MTPN: variants seen among roughly 807,000 people sequenced by gnomAD.
MTPN encodes the protein myotrophin, also known as granule cell differentiation protein.
A neutral mutation model predicts 13.5 loss-of-function variants in MTPN; 2 were observed. The ratio of observed to expected loss-of-function variants is 0.15; its 90% CI spans 0.06 to 0.47. MTPN has a LOEUF of 0.47. Ranked by LOEUF, MTPN falls within the 20% of genes least tolerant of loss-of-function variation. The probability of loss-of-function intolerance (pLI) is 0.97; values close to 1 mark genes in which losing one functional copy is unlikely to be tolerated. For missense variants in MTPN, 79 were observed against 137.9 expected, an observed-to-expected ratio of 0.57 and a Z score of 2.14; for synonymous variants, 46 against 51.7, an observed-to-expected ratio of 0.89 and a Z score of 0.48.
intron 1 of MTPN, among the ~76,000 whole-genome samples, chr7:135,970,760 A>T (rs550547371): frequency 4.6e-5 from 7 of 152,120 alleles, no homozygotes; most frequent in Non-Finnish European, 1.0e-4. Flanking sequence ...TCTATTTTAT[A>T]TATTTTTTAA....
intron 3 of MTPN, among the ~76,000 whole-genome samples, chr7:135,938,707 G>A (rs892610476): frequency 6.6e-6 from 1 of 152,098 alleles, no homozygotes; most frequent in Non-Finnish European, 1.5e-5. Flanking sequence ...AGAAAGGAGA[G>A]AAGGCCTACT....
rs539626020 is a variant in MTPN, at chr7:135,929,653, C to T, written c.*273G>A. ...GTTACTGGTGTATTTTGTCTTTGCT[C>T]TCCCTTGGGTATAAGGTGTATATTT... On this transcript the variant is annotated 3_prime_UTR_variant, in exon 4 of 4. Coordinates refer to ENST00000393085, the MANE Select transcript of MTPN (RefSeq NM_145808.4). 1.1e-4 allele frequency: 41 copies of T among 379,758 alleles called. No homozygotes were observed. Among genetic ancestry groups the T allele is most frequent in the Admixed American group, 2.0e-4 (5 of 25,432 alleles). 23.5% of individuals were successfully genotyped at this position (379,758 alleles called of 1,614,324 possible). A position where few individuals can be genotyped will look rare whatever the true frequency, so the allele number is the denominator to read the frequency against.
At chr7:135,944,070 A>G (rs572768288) in intron 3 of MTPN, among the ~76,000 whole-genome samples, 4 of 152,294 alleles carry the variant, frequency 2.6e-5, no homozygotes, top group Non-Finnish European at 5.9e-5. Context: ...TTTTAATAGC[A>G]GTATATACCA....
intron 3 of MTPN, among the ~76,000 whole-genome samples, chr7:135,933,266 AT>A (rs1248102194): frequency 1.3e-5 from 2 of 152,072 alleles, no homozygotes; most frequent in African/African-American, 4.8e-5. Flanking sequence ...ATAACTTTAG[AT>A]TTTATCTTTC....
At chr7:135,931,312 C>T (rs1424666572) in intron 3 of MTPN, among the ~76,000 whole-genome samples, 2 of 151,986 alleles carry the variant, frequency 1.3e-5, no homozygotes, top group Non-Finnish European at 2.9e-5. Flanking sequence ...GATGAGTGGC[C>T]CATAATCAGA....
chr7:135,977,044 T>A lies in MTPN; in HGVS notation c.57A>T (p.Lys19Asn). The A allele has an allele frequency of 6.2e-7, 1 of 1,613,644 alleles. No homozygotes were observed. The highest frequency in any genetic ancestry group is 8.5e-7 in the Non-Finnish European group (1 of 1,179,796). ...CCCCGCTTACCTTGGCCACATAGTC[T>A]TTCACCTCATCCAAGTCTCCGTTTT... ...ALKNGDLDEV[K>N]DYVAKGEDVN... The change falls in exon 1 of 4, where the codon AAA becomes AAT. Residue 19 changes from lysine (K) to asparagine (N), a missense_variant. Transcript: ENST00000393085.
At chr7:135,950,197 C>T (rs1044075098) in intron 3 of MTPN, among the ~76,000 whole-genome samples, 1 of 152,120 alleles carries the variant, frequency 6.6e-6, no homozygotes, top group Non-Finnish European at 1.5e-5. Flanking sequence ...CCATTTTGCT[C>T]GGTATGTATT....
At chr7:135,936,950 A>G (rs1489231930) in intron 3 of MTPN, among the ~76,000 whole-genome samples, 8 of 152,244 alleles carry the variant, frequency 5.3e-5, no homozygotes, top group Admixed American at 3.9e-4. Context: ...ATGTTTAAAA[A>G]AACTTCAAGT....
At chr7:135,971,365 A>G (rs1050171393) in intron 1 of MTPN, among the ~76,000 whole-genome samples, 6 of 152,244 alleles carry the variant, frequency 3.9e-5, no homozygotes, top group African/African-American at 1.4e-4. Flanking sequence ...TTGGATCCTC[A>G]AAATCCACCA....
chr7:135,971,977 T>C (rs1014375110), intron 1 of MTPN, among the ~76,000 whole-genome samples: 3 of 152,196 alleles, frequency 2.0e-5, no homozygotes, highest in African/African-American at 7.2e-5. Context: ...GTAATGACAG[T>C]CTCTGATGAG....
chr7:135,932,240 G>C (rs1232147299), intron 3 of MTPN: 2 of 152,044 alleles, frequency 1.3e-5, no homozygotes, highest in East Asian at 3.9e-4. Context: ...GATCAAAAGA[G>C]AATATAAGAA....
chr7:135,941,901 A>G (rs1276021625), intron 3 of MTPN, among the ~76,000 whole-genome samples: 53 of 122,020 alleles, frequency 4.3e-4, no homozygotes, highest in African/African-American at 1.6e-3. Flanking sequence ...TTTTTTTTTG[A>G]GACGGGAGTT....
rs1053409705 is a variant in MTPN, at chr7:135,927,680, T to C, written c.*2246A>G. On this transcript the variant is annotated 3_prime_UTR_variant, in exon 4 of 4. Transcript: ENST00000393085. Reference sequence around the variant, plus strand: ...AAAAAGAAACTGTGAACCATCTTGGTCAGTCTATTCTATTCTATGTTTATA... The same window carrying C: ...AAAAAGAAACTGTGAACCATCTTGGCCAGTCTATTCTATTCTATGTTTATA... The C allele has an allele frequency of 7.0e-6, 4 of 574,782 alleles. No homozygotes were observed. The highest frequency in any genetic ancestry group is 4.7e-5 in the South Asian group (3 of 64,244). 35.6% of individuals were successfully genotyped at this position (574,782 alleles called of 1,614,324 possible). A position where few individuals can be genotyped will look rare whatever the true frequency, so the allele number is the denominator to read the frequency against.
chr7:135,950,904 C>G (rs1265554728), intron 2 of MTPN, among the ~76,000 whole-genome samples: 1 of 152,094 alleles, frequency 6.6e-6, no homozygotes, highest in African/African-American at 2.4e-5. Context: ...GCATAGGGAG[C>G]AGGGCTTTGA....
intron 3 of MTPN, among the ~76,000 whole-genome samples, chr7:135,936,483 TCAAA>T (rs757873126): frequency 8.5e-5 from 13 of 152,142 alleles, no homozygotes; most frequent in Non-Finnish European, 1.3e-4. Flanking sequence ...AGACTCCGTC[TCAAA>T]CAAACAAAAA....
intron 1 of MTPN, among the ~76,000 whole-genome samples, chr7:135,975,953 A>G (rs1038018252): frequency 1.3e-5 from 2 of 152,252 alleles, no homozygotes; most frequent in Non-Finnish European, 2.9e-5. Flanking sequence ...CAGCCTCTGA[A>G]GCAAAAACCC....
intron 3 of MTPN, among the ~76,000 whole-genome samples, chr7:135,947,917 T>C (rs753917628): frequency 3.3e-5 from 5 of 152,202 alleles, no homozygotes; most frequent in African/African-American, 4.8e-5. Context: ...CCCCTATTAG[T>C]TGTGATCATA....
chr7:135,939,576 C>CGGGGGGGGGGGGGGGGGG (rs71174561), intron 3 of MTPN, among the ~76,000 whole-genome samples: 2 of 4,740 alleles, frequency 4.2e-4, no homozygotes, highest in Non-Finnish European at 1.2e-3. Context: ...AAAATGGGGG[C>CGGGGGGGGGGGGGGGGGG]GGGGGGGGGG....
chr7:135,974,045 A>G (rs1027060454), intron 1 of MTPN, among the ~76,000 whole-genome samples: 3 of 152,192 alleles, frequency 2.0e-5, no homozygotes, highest in African/African-American at 7.2e-5. Flanking sequence ...TAAATAATCT[A>G]AATTTTTCTC....
Sources: gnomAD v4.1 joint callset for allele counts (sites outside exome capture counted in the v4.1 genomes callset) on GRCh38, gnomAD v4.1.1 for gene constraint, MANE v1.5 for transcripts, NCBI Gene and HGNC (gene_info 2026-07-23, HGNC 2026-07-21) for gene names.